Variants in LRRK1 observed in about 807,000 individuals in gnomAD.
The protein encoded by LRRK1 is leucine-rich repeat serine/threonine-protein kinase 1.
A neutral mutation model predicts 209.1 loss-of-function variants in LRRK1; 113 were observed. The ratio of observed to expected loss-of-function variants is 0.54; its 90% CI spans 0.46 to 0.63. The LOEUF (loss-of-function observed/expected upper bound fraction) is 0.63. Among genes scored for constraint, LRRK1 ranks in the 30% least tolerant of loss-of-function variants. LRRK1 has a pLI of 0.00. For synonymous variants in LRRK1, 1,144 were observed against 1,099.7 expected (o/e 1.04, Z -0.80); for missense variants, 2,284 against 2,632.2 (o/e 0.87, Z 2.89).
chr15:100,972,164 T>C (rs921180955), intron 2 of LRRK1, among the ~76,000 whole-genome samples: 1 of 151,894 alleles, frequency 6.6e-6, no homozygotes, highest in Non-Finnish European at 1.5e-5. Context: ...GGTTTCACCA[T>C]GTTGGCCAGG....
At chr15:101,042,954 ACAC>A in intron 20 of LRRK1, among the ~76,000 whole-genome samples, 1 of 152,264 alleles carries the variant, frequency 6.6e-6, no homozygotes, top group South Asian at 2.1e-4. Context: ...CTGGGGGAGC[ACAC>A]GAGGGGTGAG....
intron 12 of LRRK1, 73 bp downstream of exon 12, chr15:101,015,475 G>A: frequency 8.5e-7 from 1 of 1,170,416 alleles, no homozygotes; most frequent in East Asian, 2.5e-5. Context: ...CCACCAAAGT[G>A]GGGATCGCCC....
chr15:101,057,947 T>C (rs1367457523), intron 28 of LRRK1, 43 bp from the exon 29 acceptor site: 2 of 1,609,118 alleles, frequency 1.2e-6, no homozygotes, highest in East Asian at 2.2e-5. Context: ...ACCAATCCGG[T>C]TGTAAGTGAC....
intron 2 of LRRK1, among the ~76,000 whole-genome samples, chr15:100,951,024 A>G (rs1596188455): frequency 6.6e-6 from 1 of 151,682 alleles, no homozygotes; most frequent in Non-Finnish European, 1.5e-5. Flanking sequence ...AATGGCGTGA[A>G]CCCGGGAGGC....
intron 2 of LRRK1, among the ~76,000 whole-genome samples, chr15:100,948,368 T>A (rs907041321): frequency 4.6e-5 from 7 of 152,218 alleles, no homozygotes; most frequent in African/African-American, 1.4e-4. Flanking sequence ...GCCGTTTGAA[T>A]GTGACTTATG....
rs113605793 is a variant in LRRK1, at chr15:101,070,304, C to A, written c.*1456C>A. 14,876 of 145,850 alleles carry A rather than the reference C, an allele frequency of 0.1. 1,032 individuals are homozygous for A. The highest frequency in any genetic ancestry group is 0.15 in the Non-Finnish European group (9,860 of 67,024). 9.0% of individuals were successfully genotyped at this position (145,850 alleles called of 1,614,324 possible). A position where few individuals can be genotyped will look rare whatever the true frequency, so the allele number is the denominator to read the frequency against. ...CAGGCTTGGAAAAAGCGAGTCCCCCCACTCTTTTTTTTTTTTTTTTTTTTT... is the reference window on the plus strand; with the variant it reads ...CAGGCTTGGAAAAAGCGAGTCCCCCAACTCTTTTTTTTTTTTTTTTTTTTT... On this transcript the variant is annotated 3_prime_UTR_variant, in exon 34 of 34. Transcript: ENST00000388948.
intron 2 of LRRK1, among the ~76,000 whole-genome samples, chr15:100,943,297 C>T (rs558486560): frequency 6.6e-6 from 1 of 152,276 alleles, no homozygotes; most frequent in Non-Finnish European, 1.5e-5. Flanking sequence ...CTGCCCCCTC[C>T]CTTGGGCAAG....
chr15:100,956,455 C>CTTTTTTTTTTTTTTTTTTT (rs776326423), intron 2 of LRRK1, among the ~76,000 whole-genome samples: 1 of 60,534 alleles, frequency 1.7e-5, no homozygotes, highest in African/African-American at 8.5e-5. Context: ...TTTTTTTTTT[C>CTTTTTTTTTTTTTTTTTTT]TTTTTTTTTT....
chr15:100,982,466 G>T (rs578191654), intron 3 of LRRK1, among the ~76,000 whole-genome samples: 5 of 152,332 alleles, frequency 3.3e-5, no homozygotes, highest in African/African-American at 1.2e-4. Context: ...AAGCTCTGAA[G>T]CCTCTCTGAA....
intron 2 of LRRK1, among the ~76,000 whole-genome samples, chr15:100,968,049 G>C (rs564592866): frequency 1.1e-3 from 163 of 152,258 alleles, no homozygotes; most frequent in African/African-American, 3.8e-3. Flanking sequence ...AAAACTCACT[G>C]TCTACCATAT....
intron 21 of LRRK1, 63 bp from the exon 22 acceptor site, chr15:101,048,421 CCTCTGCAGAG>C: frequency 7.2e-7 from 1 of 1,379,844 alleles, no homozygotes; most frequent in Non-Finnish European, 9.9e-7. Context: ...CCCAGCCCGG[CCTCTGCAGAG>C]CTCTGCCCAG....
At chr15:101,048,747 G>A in intron 22 of LRRK1, 90 bp downstream of exon 22, 2 of 1,168,850 alleles carry the variant, frequency 1.7e-6, no homozygotes, top group Non-Finnish European at 2.3e-6. Flanking sequence ...CATCCTCTTG[G>A]TGTCCAGAAT....
intron 22 of LRRK1, 169 bp from the exon 23 acceptor site, chr15:101,049,475 G>T (rs972006108): frequency 1.5e-5 from 10 of 668,424 alleles, no homozygotes; most frequent in African/African-American, 1.5e-4. Context: ...CAAGAACAAG[G>T]CAGGGCCACG....
In LRRK1 at chr15:101,021,977, G is replaced by A. The variant is rs999609004; in HGVS notation, c.1852+20G>A. The A allele has an allele frequency of 2.0e-6, 3 of 1,528,520 alleles. No homozygotes were observed. The highest frequency in any genetic ancestry group is 1.8e-6 in the Non-Finnish European group (2 of 1,103,960). The allele number at this position is 1,528,520 out of a possible 1,614,324, so 94.7% of individuals were successfully genotyped here. The stretch of plus-strand genomic sequence containing the variant: ...AAGAAGGTAGGGCTTCCGCAGCCCT[G>A]TCCCCTGCCATCACCTCTTGGAAAG... On this transcript the variant is annotated intron_variant, in intron 14 of 33. Transcript: ENST00000388948.
intron 2 of LRRK1, among the ~76,000 whole-genome samples, chr15:100,932,142 C>T (rs1052323634): frequency 1.3e-5 from 2 of 152,148 alleles, no homozygotes; most frequent in South Asian, 2.1e-4. Context: ...CTCGCCACCA[C>T]GCCCAGCAAA....
At chr15:101,046,450 T>C (rs1267175659) in intron 21 of LRRK1, among the ~76,000 whole-genome samples, 1 of 152,214 alleles carries the variant, frequency 6.6e-6, no homozygotes, top group Non-Finnish European at 1.5e-5. Context: ...CACAGTTTGG[T>C]GGCCCCACCC....
In LRRK1 at chr15:101,074,730, T is replaced by C. The variant is rs1330033652; in HGVS notation, c.*5882T>C. 6.6e-6 allele frequency: 1 copy of C among 152,092 alleles called. No homozygotes were observed. The highest frequency in any genetic ancestry group is 1.5e-5 in the Non-Finnish European group (1 of 68,030). The allele number at this position is 152,092 out of a possible 1,614,324, so 9.4% of individuals were successfully genotyped here. On this transcript the variant is annotated 3_prime_UTR_variant, in exon 34 of 34. Transcript: ENST00000388948. ...CTGTGAGACAAACCCCAGCCACATC[T>C]CCAGCACACAAGAACTTCCAAACAC... is the stretch of plus-strand genomic sequence containing the variant.
In LRRK1 at chr15:101,075,066, GCCA is replaced by G. The variant is rs2036935330; in HGVS notation, c.*6219_*6221del. The G allele has an allele frequency of 1.4e-5, 1 of 73,998 alleles. No individual in the cohort carries two copies. The highest frequency in any genetic ancestry group is 4.2e-4 in the South Asian group (1 of 2,368). 4.6% of individuals were successfully genotyped at this position (73,998 alleles called of 1,614,324 possible). On this transcript the variant is annotated 3_prime_UTR_variant, in exon 34 of 34. Transcript: ENST00000388948. ...CCTAGACCATCACGGACGCCGAGCT[GCCA>G]GTAACTCTCACAGTGGAAGGTAAAC...
chr15:100,972,530 GGTGA>G (rs1170271182), intron 2 of LRRK1, among the ~76,000 whole-genome samples: 1 of 151,976 alleles, frequency 6.6e-6, no homozygotes, highest in Non-Finnish European at 1.5e-5. Flanking sequence ...AGTTATGATG[GGTGA>G]GTGACAGTTG....
Sources: gnomAD v4.1 joint callset for allele counts (sites outside exome capture counted in the v4.1 genomes callset) on GRCh38, gnomAD v4.1.1 for gene constraint, MANE v1.5 for transcripts, NCBI Gene and HGNC (gene_info 2026-07-23, HGNC 2026-07-21) for gene names.